Variants in B9D1 observed in about 807,000 individuals in gnomAD.
B9D1 encodes B9 domain containing 1.
In B9D1, 20 loss-of-function variants were observed where a neutral mutation model predicts 26.1. That is an observed-to-expected ratio of 0.77 (90% confidence interval 0.54 to 1.12). B9D1 has a LOEUF of 1.12. Among genes scored for constraint, B9D1 ranks in the 50% most tolerant of loss-of-function variants. B9D1 has a pLI of 0.00. For synonymous variants in B9D1, 105 were observed against 103.1 expected, an observed-to-expected ratio of 1.02 and a Z score of -0.11; for missense variants, 260 against 273.7, an observed-to-expected ratio of 0.95 and a Z score of 0.35.
downstream of B9D1, among the ~76,000 whole-genome samples, chr17:19,340,044 C>A (rs868006907): frequency 2.0e-5 from 3 of 148,656 alleles, no homozygotes; most frequent in Non-Finnish European, 4.4e-5. Context: ...CCCCCCCCCC[C>A]CCCCGGCTTC....
downstream of B9D1, among the ~76,000 whole-genome samples, chr17:19,339,426 T>C (rs1396770991): frequency 2.0e-5 from 3 of 152,178 alleles, no homozygotes; most frequent in Non-Finnish European, 4.4e-5. Context: ...GTCTTGTACT[T>C]GCATAATATA....
chr17:19,344,050 G>C (rs1005747274), intron 5 of B9D1, among the ~76,000 whole-genome samples, 193 bp from the exon 6 acceptor site: 8 of 152,198 alleles, frequency 5.3e-5, no homozygotes, highest in African/African-American at 1.9e-4. Context: ...GTCCCTTGCC[G>C]AGGTCACACA....
intron 2 of B9D1, among the ~76,000 whole-genome samples, chr17:19,358,156 GA>G (rs1019911242): frequency 2.0e-5 from 3 of 152,000 alleles, no homozygotes; most frequent in African/African-American, 7.3e-5. Context: ...ACAACCCTGG[GA>G]GGCCAGCCAC....
At chr17:19,342,532 C>G (rs549807519), downstream of B9D1, among the ~76,000 whole-genome samples, 1 of 152,006 alleles carries the variant, frequency 6.6e-6, no homozygotes, top group Admixed American at 6.5e-5. Flanking sequence ...TCGTGAGGTG[C>G]GAGGGGTTCT....
In B9D1 at chr17:19,362,488, G is replaced by A. The variant is rs776218520; in HGVS notation, c.63+19C>T. On this transcript the variant is annotated intron_variant, in intron 1 of 6. Transcript: ENST00000261499. ...GGGACGCTGGGGGGCGGGCCCCGGC[G>A]GGGTCCACGGCCGCTCACCTGGGCG... 6.5e-7 allele frequency: 1 copy of A among 1,540,676 alleles called. No homozygotes were observed. Among genetic ancestry groups the A allele is most frequent in the South Asian group, 1.2e-5 (1 of 83,858 alleles).
At chr17:19,350,397 T>C (rs1406488956) in intron 3 of B9D1, among the ~76,000 whole-genome samples, 1 of 151,686 alleles carries the variant, frequency 6.6e-6, no homozygotes. Context: ...AATACAAAAA[T>C]TGGCTGGGTG....
At chr17:19,337,734 C>T, downstream of B9D1, 16 of 1,535,134 alleles carry the variant, frequency 1.0e-5, no homozygotes, top group Non-Finnish European at 1.4e-5. Flanking sequence ...CTTTGACAGA[C>T]AGCCCTGAAG....
intron 2 of B9D1, among the ~76,000 whole-genome samples, chr17:19,358,557 C>T (rs563075611): frequency 7.9e-5 from 12 of 152,348 alleles, no homozygotes; most frequent in African/African-American, 2.4e-4. Context: ...GGTCATTTCT[C>T]TATCCTCGTG....
downstream of B9D1, among the ~76,000 whole-genome samples, chr17:19,339,824 T>C (rs1258210314): frequency 6.6e-6 from 1 of 152,162 alleles, no homozygotes; most frequent in East Asian, 1.9e-4. Context: ...GAAGATCCTT[T>C]TCATACTTTG....
chr17:19,352,307 A>G (rs1478309480), intron 3 of B9D1, among the ~76,000 whole-genome samples: 3 of 150,104 alleles, frequency 2.0e-5, no homozygotes, highest in African/African-American at 4.9e-5. Flanking sequence ...TTCTCATTCT[A>G]TTCTGCTTTC....
In B9D1 at chr17:19,360,302, C is replaced by T; in HGVS notation, c.132+18G>A. The T allele has an allele frequency of 6.2e-7, 1 of 1,613,338 alleles. No individual in the cohort carries two copies. Among genetic ancestry groups the T allele is most frequent in the Non-Finnish European group, 8.5e-7 (1 of 1,179,504 alleles). On this transcript the variant is annotated intron_variant, in intron 2 of 6. Transcript: ENST00000261499. ...AAAGTCATGAAGGCGGTAAGGGAGG[C>T]CCAAGAGTCCAGCTTACCGCTGTGG...
chr17:19,353,810 C>CG (rs1909986252), intron 3 of B9D1, among the ~76,000 whole-genome samples: 3 of 151,538 alleles, frequency 2.0e-5, no homozygotes, highest in Non-Finnish European at 2.9e-5. Context: ...CGTGGTGGTA[C>CG]ATGCCTGTAA....
intron 1 of B9D1, among the ~76,000 whole-genome samples, chr17:19,375,420 C>T (rs1481275421): frequency 2.0e-5 from 3 of 151,978 alleles, no homozygotes; most frequent in Admixed American, 6.6e-5. Flanking sequence ...ACTACAATGA[C>T]GTATCACTTC....
At position 19,350,111 on chromosome 17, in the gene B9D1, C is replaced by CA. The variant is rs891254068; in HGVS notation, c.245-2232dup. ...TGGGCGACAGAGCGAAATTCTGTCT[C>CA]AAAAAAAAAAAAGACCAGGCTGGGA... On this transcript the variant is annotated intron_variant, in intron 3 of 6. Coordinates refer to ENST00000261499, the MANE Select transcript of B9D1 (RefSeq NM_015681.6). Among the ~76,000 whole-genome samples the CA allele has an allele frequency of 3.1e-3, 425 of 138,502 alleles. 3 individuals are homozygous for CA. Among genetic ancestry groups the CA allele is most frequent in the East Asian group, 0.012 (57 of 4,760 alleles). The allele number at this position is 138,502 out of a possible 152,430, so 90.9% of individuals were successfully genotyped here.
intron 1 of B9D1, among the ~76,000 whole-genome samples, chr17:19,373,681 G>A (rs886801201): frequency 1.3e-5 from 2 of 152,030 alleles, no homozygotes; most frequent in Non-Finnish European, 2.9e-5. Flanking sequence ...TTGAGACACC[G>A]CGCCCAGCCT....
At chr17:19,345,764 C>T (rs1025739929) in intron 5 of B9D1, among the ~76,000 whole-genome samples, 4 of 152,128 alleles carry the variant, frequency 2.6e-5, no homozygotes, top group Non-Finnish European at 4.4e-5. Flanking sequence ...CCGTGGGAAA[C>T]GAATACAGTG....
chr17:19,335,760 A>G (rs918118124), downstream of B9D1: 2 of 294,830 alleles, frequency 6.8e-6, no homozygotes, highest in African/African-American at 4.3e-5. Flanking sequence ...GGGATTTTTA[A>G]CAAACATGCA....
intron 1 of B9D1, among the ~76,000 whole-genome samples, chr17:19,376,671 G>A (rs1912135303): frequency 7.2e-6 from 1 of 139,794 alleles, no homozygotes; most frequent in Admixed American, 7.4e-5. Flanking sequence ...GATGGCTCAT[G>A]CCTGTGATCC....
chr17:19,358,014 C>T (rs1408177041), intron 2 of B9D1, 63 bp from the exon 3 acceptor site: 5 of 1,295,946 alleles, frequency 3.9e-6, no homozygotes, highest in African/African-American at 1.5e-5. Context: ...CGGCTCCTCC[C>T]CTTACCTTCA....
Sources: allele counts gnomAD v4.1 joint callset (sites outside exome capture counted in the v4.1 genomes callset), GRCh38; gene constraint gnomAD v4.1.1; transcripts MANE v1.5; gene names NCBI Gene and HGNC (gene_info 2026-07-23, HGNC 2026-07-21).